Variants in PYGL observed in about 807,000 individuals in gnomAD.
PYGL encodes glycogen phosphorylase, liver form.
A neutral mutation model predicts 100.1 loss-of-function variants in PYGL; 90 were observed. The observed-to-expected ratio is 0.90, with a 90% CI of 0.76 to 1.07. The LOEUF is 1.07. Among genes scored for constraint, PYGL ranks in the 50% least tolerant of loss-of-function variants. The pLI, the probability that PYGL is intolerant of heterozygous loss-of-function variation, is 0.00. For missense variants in PYGL, 1,016 were observed against 1,057.6 expected (o/e 0.96, Z 0.55); for synonymous variants, 373 against 393.0 (o/e 0.95, Z 0.60).
At chr14:50,919,865 G>A (rs1161476029) in intron 7 of PYGL, among the ~76,000 whole-genome samples, 4 of 152,014 alleles carry the variant, frequency 2.6e-5, no homozygotes, top group African/African-American at 9.7e-5. Flanking sequence ...TGTATTTTTA[G>A]TAGGGACAGG....
rs1016320358 is a variant in PYGL, at chr14:50,942,446, C to T, written c.243+1715G>A. ...ATATATGCTCAGTGTCCCACCCTTC[C>T]GCTTAAAATTGTTAAAAATAATTTT... On this transcript the variant is annotated intron_variant, in intron 1 of 19. Coordinates refer to ENST00000216392, the MANE Select transcript of PYGL (RefSeq NM_002863.5). Among the ~76,000 whole-genome samples the T allele has an allele frequency of 7.9e-5, 11 of 140,122 alleles. 2 individuals carry two copies. The highest frequency in any genetic ancestry group is 2.5e-4 in the African/African-American group (10 of 40,406). The allele number at this position is 140,122 out of a possible 152,430, so 91.9% of individuals were successfully genotyped here. A position where few individuals can be genotyped will look rare whatever the true frequency, so the allele number is the denominator to read the frequency against.
At chr14:50,936,755 C>A (rs1325619679) in intron 2 of PYGL, among the ~76,000 whole-genome samples, 1 of 151,356 alleles carries the variant, frequency 6.6e-6, no homozygotes, top group East Asian at 1.9e-4. Flanking sequence ...CGTGCCACTG[C>A]ACTCCAGCCT....
Position 50,905,374 on chromosome 14 carries a change from TAG to T in PYGL, c.*16_*17del. On this transcript the variant is annotated 3_prime_UTR_variant, in exon 20 of 20. Transcript: ENST00000216392. ...AAGTTCAGTAAGAAGCTATGTTTTC[TAG>T]AGACAATTCTAGAGTTCAATTTCCA... 1.3e-6 allele frequency: 2 copies of T among 1,578,230 alleles called. No homozygotes were observed. The highest frequency in any genetic ancestry group is 1.7e-6 in the Non-Finnish European group (2 of 1,163,420).
At chr14:50,914,856 G>T in intron 11 of PYGL, 41 bp from the exon 12 acceptor site, 2 of 1,454,252 alleles carry the variant, frequency 1.4e-6, no homozygotes, top group South Asian at 1.1e-5. Flanking sequence ...TGGCTGAAAC[G>T]GCAAAGGGTC....
At chr14:50,918,681 A>T (rs897005578) in intron 7 of PYGL, among the ~76,000 whole-genome samples, 1 of 152,210 alleles carries the variant, frequency 6.6e-6, no homozygotes, top group Admixed American at 6.5e-5. Flanking sequence ...GAGGGATAAA[A>T]GACAATTTAT....
At chr14:50,937,129 A>G (rs1409303808) in intron 2 of PYGL, among the ~76,000 whole-genome samples, 2 of 152,228 alleles carry the variant, frequency 1.3e-5, no homozygotes, top group Non-Finnish European at 2.9e-5. Flanking sequence ...TTTCAACCAC[A>G]TCAAAAAGGT....
At chr14:50,941,123 G>C (rs1476361394) in intron 1 of PYGL, among the ~76,000 whole-genome samples, 1 of 152,202 alleles carries the variant, frequency 6.6e-6, no homozygotes, top group African/African-American at 2.4e-5. Flanking sequence ...TTGAGCAGGG[G>C]CAAGATGCGT....
intron 3 of PYGL, among the ~76,000 whole-genome samples, chr14:50,932,519 G>T (rs979588912): frequency 7.2e-5 from 11 of 152,182 alleles, no homozygotes; most frequent in Admixed American, 7.2e-4. Flanking sequence ...AAAGACAAAA[G>T]GACCAGAGAC....
At chr14:50,935,049 G>T in intron 3 of PYGL, 58 bp downstream of exon 3, 2 of 1,465,778 alleles carry the variant, frequency 1.4e-6, no homozygotes. Context: ...GGTCATGCAT[G>T]GCATCTGAGA....
At chr14:50,911,340 T>G (rs1343432746) in intron 16 of PYGL, among the ~76,000 whole-genome samples, 1 of 152,234 alleles carries the variant, frequency 6.6e-6, no homozygotes, top group Non-Finnish European at 1.5e-5. Flanking sequence ...GCCCTTCTTC[T>G]CACAGGGTGA....
intron 13 of PYGL, 160 bp downstream of exon 13, chr14:50,912,869 G>A (rs1297048780): frequency 1.3e-5 from 8 of 634,632 alleles, no homozygotes; most frequent in African/African-American, 5.5e-5. Flanking sequence ...CGGGATAATC[G>A]CTTGAACCTG....
rs566042611 is a variant in PYGL at position 50,933,681 on chromosome 14, C to T, written c.424+1426G>A. ...TTCTGCACTCCTCCCTACAGGGGGT[C>T]GTAGGGAACAGTTTCGTATTTAAAA... On this transcript the variant is annotated intron_variant, in intron 3 of 19. Transcript: ENST00000216392. Among the ~76,000 whole-genome samples the T allele has an allele frequency of 3.3e-5, 5 of 152,176 alleles. No homozygotes were observed. The South Asian group carries it at 6.2e-4, about 19-fold the overall frequency.
intron 4 of PYGL, among the ~76,000 whole-genome samples, chr14:50,928,410 G>A (rs1345821282): frequency 6.6e-6 from 1 of 152,124 alleles, no homozygotes; most frequent in African/African-American, 2.4e-5. Context: ...TTACGAACTT[G>A]GTGTGGGTGC....
rs34313873 is a variant in PYGL, at chr14:50,905,520, T to A, written c.2416A>T (p.Ile806Leu). 0.017 allele frequency: 26,821 copies of A among 1,614,030 alleles called. 274 individuals are homozygous for A. Among genetic ancestry groups the A allele is most frequent in the Non-Finnish European group, 0.018 (21,727 of 1,179,886 alleles). ...CTGGAGAATTTCCCCGAGGCAGCTA[T>A]GTTTTTGAGTACCATTGTGTTCCAG... is the stretch of plus-strand genomic sequence containing the variant. ...KAWNTMVLKN[I>L]AASGKFSSDR... The change falls in exon 20 of 20, where the codon ATA becomes TTA. Residue 806 changes from isoleucine to leucine, a missense_variant. Coordinates refer to ENST00000216392, the MANE Select transcript of PYGL (RefSeq NM_002863.5).
chr14:50,914,792 T>C lies in PYGL; in HGVS notation c.1427A>G (p.Glu476Gly). ...GGTTTTATTCTGAAACTTGTCAGGT[T>C]CTAGCTCACTGAAGTCCTTGAATCT... ...TKVFKDFSEL[E>G]PDKFQNKTNG... The change falls in exon 12 of 20, where the codon GAA becomes GGA. Residue 476 changes from glutamate (E) to glycine (G), a missense_variant. Glu to Gly is a moderately conservative substitution (Grantham distance 98, BLOSUM62 -2). Coordinates refer to ENST00000216392, the MANE Select transcript of PYGL (RefSeq NM_002863.5). The C allele has an allele frequency of 1.2e-6, 2 of 1,613,910 alleles. No homozygotes were observed. Among genetic ancestry groups the C allele is most frequent in the Non-Finnish European group, 1.7e-6 (2 of 1,179,836 alleles).
chr14:50,937,258 G>A (rs2050661601), intron 2 of PYGL, among the ~76,000 whole-genome samples: 2 of 152,202 alleles, frequency 1.3e-5, no homozygotes, highest in African/African-American at 4.8e-5. Context: ...CCTTTAAGGA[G>A]GAAGTGTATT....
rs2050496275 is a variant in PYGL, at chr14:50,921,062, G to A, written c.666C>T (p.Val222=). The part of the protein sequence containing the change: ...TGTKWIDTQV[V]LALPYDTPVP... ...CGGGGGTGTCATATGGCAGAGCCAG[G>A]ACCACCTGTGGGATTAAACAGAAGC... is the stretch of plus-strand genomic sequence containing the variant. The change falls in exon 6 of 20, where the codon GTC becomes GTT. Residue 222 remains valine (V), a synonymous_variant. Coordinates refer to ENST00000216392, the MANE Select transcript of PYGL (RefSeq NM_002863.5). The A allele has an allele frequency of 6.2e-7, 1 of 1,611,486 alleles. No homozygotes were observed. Among genetic ancestry groups the A allele is most frequent in the Non-Finnish European group, 8.5e-7 (1 of 1,177,598 alleles).
intron 12 of PYGL, 180 bp from the exon 13 acceptor site, chr14:50,913,310 C>G (rs898951194): frequency 4.0e-6 from 2 of 501,496 alleles, no homozygotes; most frequent in African/African-American, 3.9e-5. Flanking sequence ...AACACTTTTG[C>G]TAGTATCTTA....
rs993059614 is a variant in PYGL at position 50,923,958 on chromosome 14, A to C, written c.660+11T>G. 1 of 1,613,020 alleles carries C rather than the reference A, an allele frequency of 6.2e-7. No homozygotes were observed. The highest frequency in any genetic ancestry group is 8.5e-7 in the Non-Finnish European group (1 of 1,179,012). ...TATACAAAACGCTGGCTATACGAGCACTCTGAATACTTGAGTGTCAATCCA... is the reference window on the plus strand; with the variant it reads ...TATACAAAACGCTGGCTATACGAGCCCTCTGAATACTTGAGTGTCAATCCA... On this transcript the variant is annotated intron_variant, in intron 5 of 19. Transcript: ENST00000216392.
Sources: gnomAD v4.1 joint callset for allele counts (sites outside exome capture counted in the v4.1 genomes callset) on GRCh38, gnomAD v4.1.1 for gene constraint, MANE v1.5 for transcripts, NCBI Gene and HGNC (gene_info 2026-07-23, HGNC 2026-07-21) for gene names.